The following AMZ1 variants were observed in gnomAD, a reference collection of about 807,000 sequenced individuals.
The protein encoded by AMZ1 is archaelysin family metallopeptidase 1.
Under a neutral mutation model 29.9 loss-of-function variants are expected in AMZ1, and 39 were observed. The ratio of observed to expected loss-of-function variants is 1.30; its 90% CI spans 1.01 to 1.70. The LOEUF (loss-of-function observed/expected upper bound fraction) is 1.70. Ranked by LOEUF, AMZ1 falls within the 40% of genes most tolerant of loss-of-function variation. The pLI is 0.00. For synonymous variants in AMZ1, 458 were observed against 304.0 expected, an observed-to-expected ratio of 1.51 and a Z score of -5.27; for missense variants, 1,041 against 680.6, an observed-to-expected ratio of 1.53 and a Z score of -5.89.
chr7:2,722,876 G>T (rs1021633765), downstream of AMZ1, among the ~76,000 whole-genome samples: 1 of 152,146 alleles, frequency 6.6e-6, no homozygotes, highest in Non-Finnish European at 1.5e-5. Flanking sequence ...TACTTGGAAG[G>T]CCAAGGTGGG....
At position 2,731,721 on chromosome 7, in the gene AMZ1, C is replaced by A; in HGVS notation, n.550+21905C>A. On this transcript the variant is annotated intron_variant and non_coding_transcript_variant, in intron 4 of 4. Coordinates refer to the AMZ1 transcript ENST00000489665. This position sits in a 1 kb window ranked among gnomAD's most constrained non-coding sequence, Gnocchi z 6.0. The stretch of plus-strand genomic sequence containing the variant: ...TTCCCTTGGTGGCTTTCCTAGCCAG[C>A]AGGATATCTTGCTTACTAGGAAAGT... The A allele has an allele frequency of 6.4e-7, 1 of 1,561,324 alleles. No homozygotes were observed. Among genetic ancestry groups the A allele is most frequent in the South Asian group, 1.2e-5 (1 of 85,020 alleles).
In AMZ1 at chr7:2,700,488, G is replaced by T. The variant is rs764658622; in HGVS notation, c.37G>T (p.Gly13Trp). 2.5e-6 allele frequency: 4 copies of T among 1,603,910 alleles called. No homozygotes were observed. The highest frequency in any genetic ancestry group is 3.4e-6 in the Non-Finnish European group (4 of 1,179,844). ...QCRPAQEFSFGPRALKDALVS... is the reference protein window; with the variant it reads ...QCRPAQEFSFWPRALKDALVS... ...TAGACCCGCACAGGAGTTCAGCTTCGGGCCCCGGGCCTTGAAGGACGCTCT... is the reference window on the plus strand; with the variant it reads ...TAGACCCGCACAGGAGTTCAGCTTCTGGCCCCGGGCCTTGAAGGACGCTCT... The change falls in exon 2 of 7, where the codon GGG (glycine) becomes TGG (tryptophan). Residue 13 changes from glycine to tryptophan, a missense_variant. Gly to Trp is a radical substitution (Grantham distance 184, BLOSUM62 -2). Transcript: ENST00000683327.
In AMZ1 at chr7:2,715,877, T is replaced by TAGAG. The variant is rs1789093443; in HGVS notation, c.*3001_*3004dup. 3 of 151,876 alleles carry TAGAG rather than the reference T, an allele frequency of 2.0e-5. No homozygotes were observed. The South Asian group carries it at 6.2e-4, about 32-fold the overall frequency. The allele number at this position is 151,876 out of a possible 1,614,324, so 9.4% of individuals were successfully genotyped here. A position where few individuals can be genotyped will look rare whatever the true frequency, so the allele number is the denominator to read the frequency against. ...GCAGAAGTTGAACTGAGATTAAATT[T>TAGAG]AGAGATGATGGTTTCCAAGACACAC... On this transcript the variant is annotated 3_prime_UTR_variant, in exon 7 of 7. Coordinates refer to ENST00000683327, the MANE Select transcript of AMZ1 (RefSeq NM_001384743.1).
chr7:2,762,572 T>C, upstream of AMZ1: 1 of 1,468,704 alleles, frequency 6.8e-7, no homozygotes, highest in Non-Finnish European at 9.1e-7. Flanking sequence ...TGACATTTCC[T>C]GAAAATTACA....
intron 4 of AMZ1, among the ~76,000 whole-genome samples, chr7:2,741,741 C>T (rs1470448395): frequency 6.6e-6 from 1 of 151,866 alleles, no homozygotes; most frequent in Non-Finnish European, 1.5e-5. Context: ...AAGTTGTTTA[C>T]CCCTAACAAC....
At chr7:2,743,109 A>C (rs76466725) in intron 4 of AMZ1, among the ~76,000 whole-genome samples, 142 of 152,304 alleles carry the variant, frequency 9.3e-4, no homozygotes, top group African/African-American at 3.4e-3. Context: ...TCCAAAAAGA[A>C]AAGAGTCAGT....
rs746245464 is a variant in AMZ1, at chr7:2,712,838, CAG to C, written c.1460_1461del (p.Glu487ValfsTer60). 2.0e-5 allele frequency: 31 copies of C among 1,529,660 alleles called. 1 individual carries two copies. The South Asian group carries it at 3.9e-4, about 19-fold the overall frequency. 94.8% of individuals were successfully genotyped at this position (1,529,660 alleles called of 1,614,324 possible). A position where few individuals can be genotyped will look rare whatever the true frequency, so the allele number is the denominator to read the frequency against. ...CTGAGTGCCCGAAAACTCGCCAGAG[CAG>C]AGTCGGCCCCCCGTCCCTGGGATGG... On this transcript the variant is annotated frameshift_variant, in exon 7 of 7. Transcript: ENST00000683327. LOFTEE classifies it low-confidence loss of function (END_TRUNC).
At chr7:2,763,668 A>T (rs932203405), upstream of AMZ1, among the ~76,000 whole-genome samples, 1 of 152,252 alleles carries the variant, frequency 6.6e-6, no homozygotes, top group Non-Finnish European at 1.5e-5. Context: ...CATCTAAGGA[A>T]GATCCCTGGT....
At chr7:2,744,895 G>C (rs372515308) in intron 4 of AMZ1, among the ~76,000 whole-genome samples, 1 of 152,170 alleles carries the variant, frequency 6.6e-6, no homozygotes, top group African/African-American at 2.4e-5. Flanking sequence ...GAGCCGATGC[G>C]ATGAACTGGA....
intron 1 of AMZ1, among the ~76,000 whole-genome samples, chr7:2,693,644 C>A (rs1375627297): frequency 1.3e-5 from 2 of 152,226 alleles, no homozygotes; most frequent in African/African-American, 4.8e-5. Flanking sequence ...CAAGCTCCGC[C>A]TCCCGGGTTC....
chr7:2,708,671 C>A lies in AMZ1; in HGVS notation c.556C>A (p.His186Asn), dbSNP rs202155861. The change falls in exon 4 of 7, where the codon CAT (histidine) becomes AAT (asparagine). Residue 186 changes from histidine (H) to asparagine (N), a missense_variant. His to Asn is a moderately conservative substitution (Grantham distance 68). Coordinates refer to ENST00000683327, the MANE Select transcript of AMZ1 (RefSeq NM_001384743.1). ...CCTCACACTGTCTGACCTGTACCCCCATGAGGCCTGGAGCTTCACCTTCAG... is the reference window on the plus strand; with the variant it reads ...CCTCACACTGTCTGACCTGTACCCCAATGAGGCCTGGAGCTTCACCTTCAG... ...LGLTLSDLYP[H>N]EAWSFTFSKF... The A allele has an allele frequency of 1.2e-6, 2 of 1,613,242 alleles. No individual in the cohort carries two copies. The highest frequency in any genetic ancestry group is 2.2e-5 in the South Asian group (2 of 91,080).
chr7:2,722,369 T>A (rs1789461112), downstream of AMZ1, among the ~76,000 whole-genome samples: 1 of 150,746 alleles, frequency 6.6e-6, no homozygotes, highest in Admixed American at 6.6e-5. Context: ...GCCTCCCGGG[T>A]TCATGCCATT....
intron 4 of AMZ1, among the ~76,000 whole-genome samples, chr7:2,734,539 G>A (rs116358380): frequency 2.0e-5 from 3 of 152,202 alleles, no homozygotes; most frequent in African/African-American, 7.2e-5. Context: ...AATGGACTAC[G>A]TGATGGCGCT....
rs1390848879 is a variant in AMZ1, at chr7:2,718,781, G to A, written c.*5903G>A. On this transcript the variant is annotated 3_prime_UTR_variant, in exon 7 of 7. Coordinates refer to ENST00000683327, the MANE Select transcript of AMZ1 (RefSeq NM_001384743.1). ...AGCGGGCAGGCCAGGGCCGAGCTGC[G>A]TCCGGCTCTCAGGGACTTCCTCTCC... Among the ~76,000 whole-genome samples the A allele has an allele frequency of 3.3e-5, 5 of 152,308 alleles. No homozygotes were observed. Among genetic ancestry groups the A allele is most frequent in the East Asian group, 1.9e-4 (1 of 5,154 alleles).
chr7:2,721,241 G>A (rs1196184112), downstream of AMZ1, among the ~76,000 whole-genome samples: 1 of 152,208 alleles, frequency 6.6e-6, no homozygotes, highest in East Asian at 1.9e-4. Context: ...CAGGGACTAA[G>A]GCCTGAGCCG....
intron 2 of AMZ1, among the ~76,000 whole-genome samples, chr7:2,701,258 G>T (rs1184302072): frequency 2.6e-5 from 4 of 152,174 alleles, no homozygotes; most frequent in Admixed American, 2.0e-4. Context: ...TCTCTTTGGG[G>T]TGCTGAAATG....
intron 4 of AMZ1, among the ~76,000 whole-genome samples, chr7:2,749,961 C>G (rs768037883): frequency 6.6e-6 from 1 of 152,118 alleles, no homozygotes; most frequent in African/African-American, 2.4e-5. Flanking sequence ...CAGAAGAGAA[C>G]AAAGAGAGTG....
In AMZ1 at chr7:2,718,684, C is replaced by T. The variant is rs1034997819; in HGVS notation, c.*5806C>T. Among the ~76,000 whole-genome samples the T allele has an allele frequency of 2.6e-5, 4 of 152,210 alleles. No individual in the cohort carries two copies. Among genetic ancestry groups the T allele is most frequent in the South Asian group, 2.1e-4 (1 of 4,826 alleles). ...CACCATTTCTTCCAACACTTTCTCA[C>T]GTAGGAGCTCCACTGTCCCTTCTAA... On this transcript the variant is annotated 3_prime_UTR_variant, in exon 7 of 7. Coordinates refer to ENST00000683327, the MANE Select transcript of AMZ1 (RefSeq NM_001384743.1).
intron 6 of AMZ1, 41 bp downstream of exon 6, chr7:2,709,857 G>C (rs550389395): frequency 1.9e-6 from 3 of 1,600,846 alleles, no homozygotes; most frequent in Non-Finnish European, 2.6e-6. Context: ...TGGGACCTGC[G>C]CTCCGGAGGC....
Sources: gnomAD v4.1 joint callset for allele counts (sites outside exome capture counted in the v4.1 genomes callset) on GRCh38, gnomAD v4.1.1 for gene constraint, Gnocchi (gnomAD v3.1) non-coding constraint, MANE v1.5 for transcripts, NCBI Gene and HGNC (gene_info 2026-07-23, HGNC 2026-07-21) for gene names.